The following GRID2 variants were observed in gnomAD, a reference collection of about 807,000 sequenced individuals.
GRID2 encodes glutamate ionotropic receptor delta type subunit 2.
GRID2 carries 33 observed loss-of-function variants against 114.8 expected under a neutral mutation model. The ratio of observed to expected loss-of-function variants is 0.29; its 90% CI spans 0.22 to 0.38. GRID2 has a LOEUF of 0.38. Among genes scored for constraint, GRID2 ranks in the 10% least tolerant of loss-of-function variants. The pLI is 1.00. For synonymous variants in GRID2, 505 were observed against 449.9 expected (o/e 1.12, Z -1.55); for missense variants, 1,184 against 1,257.7 (o/e 0.94, Z 0.89).
chr4:93,138,399 T>C (rs1429372820), intron 4 of GRID2, among the ~76,000 whole-genome samples: 1 of 152,208 alleles, frequency 6.6e-6, no homozygotes, highest in Non-Finnish European at 1.5e-5. Context: ...CTCTATTACT[T>C]ATGTTTACTA....
chr4:93,608,307 TTTAA>T (rs1740518097), intron 13 of GRID2, among the ~76,000 whole-genome samples: 1 of 145,546 alleles, frequency 6.9e-6, no homozygotes, highest in African/African-American at 2.6e-5. Flanking sequence ...TTTTTTTTTT[TTTAA>T]TTTTTTTTTT....
chr4:92,795,826 T>C (rs1739841179), intron 2 of GRID2, among the ~76,000 whole-genome samples: 1 of 151,968 alleles, frequency 6.6e-6, no homozygotes, highest in African/African-American at 2.4e-5. Flanking sequence ...ATCAAGTTGT[T>C]TTCTGTTAAT....
intron 1 of GRID2, among the ~76,000 whole-genome samples, chr4:92,520,357 T>C (rs1724706032): frequency 1.4e-5 from 2 of 146,290 alleles, no homozygotes; most frequent in Admixed American, 7.0e-5. Context: ...ATATTTTCTA[T>C]ACACATGAAC....
intron 2 of GRID2, among the ~76,000 whole-genome samples, chr4:92,790,205 C>G (rs929773014): frequency 6.6e-6 from 1 of 151,514 alleles, no homozygotes; most frequent in Non-Finnish European, 1.5e-5. Context: ...CTTATTTATA[C>G]AAATATATGT....
intron 12 of GRID2, among the ~76,000 whole-genome samples, chr4:93,504,136 AG>A (rs1728403320): frequency 6.6e-6 from 1 of 152,078 alleles, no homozygotes; most frequent in African/African-American, 2.4e-5. Flanking sequence ...AATTTTTGAT[AG>A]TATGATTAAT....
intron 1 of GRID2, among the ~76,000 whole-genome samples, chr4:93,790,247 A>G (rs928595586): frequency 1.3e-5 from 2 of 152,102 alleles, no homozygotes. Context: ...AGATGCAATA[A>G]AAAAACTGAA....
chr4:93,704,608 C>T (rs1328380212), intron 14 of GRID2, among the ~76,000 whole-genome samples: 1 of 152,162 alleles, frequency 6.6e-6, no homozygotes, highest in Non-Finnish European at 1.5e-5. Context: ...CTTCTTCCCA[C>T]CACTACCCTC....
chr4:92,316,146 G>T lies in GRID2; in HGVS notation c.88+11402G>T, dbSNP rs138501962. Among the ~76,000 whole-genome samples, 181 of 152,220 alleles carry T rather than the reference G, an allele frequency of 1.2e-3. 2 individuals are homozygous for T. Among genetic ancestry groups the T allele is most frequent in the Non-Finnish European group, 1.6e-3 (112 of 68,030 alleles). On this transcript the variant is annotated intron_variant, in intron 1 of 15. Transcript: ENST00000282020. ...AAATTGGGTTAGTGGTTTAGTGGCA[G>T]TTGCTGTCTTGCTACTCAGAATCCA...
At chr4:92,484,100 G>A (rs1722749237) in intron 1 of GRID2, among the ~76,000 whole-genome samples, 1 of 152,188 alleles carries the variant, frequency 6.6e-6, no homozygotes, top group Non-Finnish European at 1.5e-5. Context: ...TATGGTGGAA[G>A]GATGGAGGGG....
intron 13 of GRID2, among the ~76,000 whole-genome samples, chr4:93,597,917 A>T (rs1023875428): frequency 6.6e-6 from 1 of 152,192 alleles, no homozygotes; most frequent in Non-Finnish European, 1.5e-5. Context: ...TATATTTGAT[A>T]CCTCTGGATC....
chr4:92,739,386 G>A (rs917772064), intron 2 of GRID2, among the ~76,000 whole-genome samples: 5 of 152,164 alleles, frequency 3.3e-5, no homozygotes, highest in African/African-American at 1.2e-4. Flanking sequence ...TATATCAGCG[G>A]CAGTGATGTC....
In GRID2 at chr4:93,131,145, A is replaced by ATTT. The variant is rs34215461; in HGVS notation, c.735+20214_735+20216dup. Among the ~76,000 whole-genome samples the ATTT allele has an allele frequency of 1.4e-3, 127 of 88,716 alleles. 3 individuals carry two copies. Among genetic ancestry groups the ATTT allele is most frequent in the African/African-American group, 3.6e-3 (69 of 19,070 alleles). 58.2% of individuals were successfully genotyped at this position (88,716 alleles called of 152,430 possible). A position where few individuals can be genotyped will look rare whatever the true frequency, so the allele number is the denominator to read the frequency against. ...AGAACTTCCATGAAAAGATTAAATA[A>ATTT]TTTTTTTTTTTTTTTTTTTTTTTTG... On this transcript the variant is annotated intron_variant, in intron 4 of 15. Transcript: ENST00000282020.
chr4:93,512,448 CA>C (rs1729286824), intron 12 of GRID2, among the ~76,000 whole-genome samples: 1 of 152,146 alleles, frequency 6.6e-6, no homozygotes, highest in Non-Finnish European at 1.5e-5. Flanking sequence ...ATGGCCTTTT[CA>C]TTTGGTAATA....
In GRID2 at chr4:92,970,940, C is replaced by CACACATTGCATATATATGTATATATACAT. The variant is rs1254224960; in HGVS notation, c.245-114054_245-114026dup. Among the ~76,000 whole-genome samples, 19 of 151,752 alleles carry CACACATTGCATATATATGTATATATACAT rather than the reference C, an allele frequency of 1.3e-4. No homozygotes were observed. The South Asian group carries it at 2.9e-3, about 23-fold the overall frequency. ...AGCATTGCATATATATATATATACACACACATTGCATATATATGTATATAT... is the reference window on the plus strand; with the variant it reads ...AGCATTGCATATATATATATATACACACACATTGCATATATATGTATATATACATACACATTGCATATATATGTATATAT... On this transcript the variant is annotated intron_variant, in intron 2 of 15. Transcript: ENST00000282020.
At position 92,859,056 on chromosome 4, in the gene GRID2, T is replaced by A. The variant is rs565650141; in HGVS notation, c.245-225939T>A. Reference sequence around the variant, plus strand: ...AAATCCTACTACGGGTAAAATGATATCAAACAGCATCACATTCTACAGAGA... The same window carrying A: ...AAATCCTACTACGGGTAAAATGATAACAAACAGCATCACATTCTACAGAGA... On this transcript the variant is annotated intron_variant, in intron 2 of 15. Coordinates refer to ENST00000282020, the MANE Select transcript of GRID2 (RefSeq NM_001510.4). 2.0e-5 allele frequency among the ~76,000 whole-genome samples: 3 copies of A among 152,222 alleles called. No individual in the cohort carries two copies. The East Asian group carries it at 5.8e-4, about 29-fold the overall frequency.
intron 4 of GRID2, among the ~76,000 whole-genome samples, chr4:93,126,918 G>A (rs1460419931): frequency 6.6e-6 from 1 of 152,012 alleles, no homozygotes; most frequent in African/African-American, 2.4e-5. Context: ...GTAAATTTTT[G>A]TTCTCATGAA....
chr4:93,429,635 C>A (rs1769208691), intron 10 of GRID2, among the ~76,000 whole-genome samples: 1 of 151,936 alleles, frequency 6.6e-6, no homozygotes, highest in South Asian at 2.1e-4. Flanking sequence ...TTTTACTCCC[C>A]AAGGAAAATA....
chr4:93,042,272 TCTTTCTCTC>T (rs1560821267), intron 2 of GRID2, among the ~76,000 whole-genome samples: 23 of 78,524 alleles, frequency 2.9e-4, no homozygotes, highest in East Asian at 1.9e-3. Context: ...TCTCTCTCTC[TCTTTCTCTC>T]TCTCTCTCTC....
intron 7 of GRID2, among the ~76,000 whole-genome samples, chr4:93,230,533 A>G (rs1026370628): frequency 2.0e-5 from 3 of 152,140 alleles, no homozygotes; most frequent in African/African-American, 7.2e-5. Flanking sequence ...AGTAACTTGT[A>G]CAGTTATAGA....
Sources: gnomAD v4.1 joint callset for allele counts (sites outside exome capture counted in the v4.1 genomes callset) on GRCh38, gnomAD v4.1.1 for gene constraint, MANE v1.5 for transcripts, NCBI Gene and HGNC (gene_info 2026-07-23, HGNC 2026-07-21) for gene names.